Variants in CRIM1 observed in about 807,000 individuals in gnomAD.
The protein encoded by CRIM1 is cysteine-rich motor neuron 1 protein.
Under a neutral mutation model 116.4 loss-of-function variants are expected in CRIM1, and 32 were observed. The ratio of observed to expected loss-of-function variants is 0.27; its 90% CI spans 0.21 to 0.37. CRIM1 has a LOEUF of 0.37. Ranked by LOEUF, CRIM1 falls within the 10% of genes least tolerant of loss-of-function variation. The pLI, the probability that CRIM1 is intolerant of heterozygous loss-of-function variation, is 1.00. For synonymous variants in CRIM1, 590 were observed against 509.2 expected (o/e 1.16, Z -2.13); for missense variants, 1,331 against 1,354.8 (o/e 0.98, Z 0.28).
At position 36,385,882 on chromosome 2, in the gene CRIM1, A is replaced by G. The variant is rs538062704; in HGVS notation, c.332-10732A>G. The stretch of plus-strand genomic sequence containing the variant: ...TTATTCCAGTGTCTGGCACATAGAA[A>G]GTGCTCAGTGAGTGTTAGCTGTTAT... On this transcript the variant is annotated intron_variant, in intron 1 of 16. Coordinates refer to ENST00000280527, the MANE Select transcript of CRIM1 (RefSeq NM_016441.3). 3.9e-5 allele frequency among the ~76,000 whole-genome samples: 6 copies of G among 152,308 alleles called. No individual in the cohort carries two copies. In the South Asian group the frequency reaches 8.3e-4, roughly 21 times the overall value.
At position 36,441,394 on chromosome 2, in the gene CRIM1, C is replaced by T. The variant is rs763478794; in HGVS notation, c.642C>T (p.Pro214=). 9.9e-6 allele frequency: 16 copies of T among 1,614,092 alleles called. No homozygotes were observed. The African/African-American group carries it at 1.1e-4, about 11-fold the overall frequency. Residue 214 remains proline, a synonymous_variant, in exon 3 of 17, where the codon CCC becomes CCT. Coordinates refer to ENST00000280527, the MANE Select transcript of CRIM1 (RefSeq NM_016441.3). ...CPLPSRCVCN[P]AGCLRKVCQP... The stretch of plus-strand genomic sequence containing the variant: ...TACCCAGCCGCTGCGTGTGCAACCC[C>T]GCAGGCTGTCTGCGCAAAGTCTGCC...
chr2:36,507,563 A>G (rs78153368), intron 8 of CRIM1, among the ~76,000 whole-genome samples: 2,123 of 152,352 alleles, frequency 0.014, 45 homozygotes, highest in African/African-American at 0.048. Context: ...TAGATGGGCC[A>G]GAGCATAACA....
At chr2:36,467,366 A>G (rs1018765753) in intron 5 of CRIM1, among the ~76,000 whole-genome samples, 1 of 152,228 alleles carries the variant, frequency 6.6e-6, no homozygotes, top group African/African-American at 2.4e-5. Context: ...TTCTTTTGAT[A>G]TATACATTCA....
chr2:36,364,190 G>A (rs1347027888), intron 1 of CRIM1, among the ~76,000 whole-genome samples: 3 of 152,204 alleles, frequency 2.0e-5, no homozygotes, highest in African/African-American at 7.2e-5. Flanking sequence ...CTGGGGTGAT[G>A]CCTGTGATTC....
intron 1 of CRIM1, among the ~76,000 whole-genome samples, chr2:36,362,920 G>A (rs186513884): frequency 4.6e-5 from 7 of 152,182 alleles, no homozygotes; most frequent in African/African-American, 7.2e-5. Context: ...ACTTGGGGCC[G>A]GCCGTGGTGT....
intron 13 of CRIM1, 53 bp downstream of exon 13, chr2:36,522,366 G>T: frequency 7.4e-7 from 1 of 1,342,846 alleles, no homozygotes; most frequent in Non-Finnish European, 1.1e-6. Flanking sequence ...CACTAAATCT[G>T]TATTGACAGC....
chr2:36,538,462 C>T (rs150585486), intron 14 of CRIM1, among the ~76,000 whole-genome samples: 131 of 152,246 alleles, frequency 8.6e-4, no homozygotes, highest in African/African-American at 2.9e-3. Context: ...CATGTTTTCT[C>T]GCAGCATTAT....
intron 8 of CRIM1, among the ~76,000 whole-genome samples, chr2:36,505,766 C>G (rs1320589236): frequency 6.6e-6 from 1 of 150,476 alleles, no homozygotes; most frequent in Non-Finnish European, 1.5e-5. Flanking sequence ...TGATGATTCC[C>G]CATTTTTAAT....
At chr2:36,534,708 G>A (rs72868409) in intron 13 of CRIM1, among the ~76,000 whole-genome samples, 186 of 149,132 alleles carry the variant, frequency 1.2e-3, no homozygotes, top group African/African-American at 4.3e-3. Context: ...GGAAAAGGAA[G>A]ACAGGAAGAA....
chr2:36,442,833 G>C, intron 4 of CRIM1, 98 bp downstream of exon 4: 2 of 1,351,734 alleles, frequency 1.5e-6, no homozygotes, highest in Non-Finnish European at 2.1e-6. Flanking sequence ...GAGAAACCTA[G>C]TCCTTTCCTG....
chr2:36,550,836 T>C lies in CRIM1; in HGVS notation c.*2135T>C, dbSNP rs1181371716. On this transcript the variant is annotated 3_prime_UTR_variant, in exon 17 of 17. Coordinates refer to ENST00000280527, the MANE Select transcript of CRIM1 (RefSeq NM_016441.3). ...AAAAATTGTAGATGCTTGCTTTTTG[T>C]TTTTTCAATCATGGCCATATTATGA... 1 of 151,926 alleles carries C rather than the reference T, an allele frequency of 6.6e-6. No individual in the cohort carries two copies. The highest frequency in any genetic ancestry group is 6.6e-5 in the Admixed American group (1 of 15,234). 9.4% of individuals were successfully genotyped at this position (151,926 alleles called of 1,614,324 possible).
chr2:36,523,929 C>T (rs1484356700), intron 13 of CRIM1, among the ~76,000 whole-genome samples: 1 of 152,136 alleles, frequency 6.6e-6, no homozygotes, highest in African/African-American at 2.4e-5. Flanking sequence ...AATGCCTGTT[C>T]TTAGGAATTT....
At chr2:36,534,533 GAGGA>G (rs1232026116) in intron 13 of CRIM1, among the ~76,000 whole-genome samples, 2 of 132,710 alleles carry the variant, frequency 1.5e-5, no homozygotes, top group East Asian at 2.4e-4. Flanking sequence ...AAGGGAGGGA[GAGGA>G]AGGAAGGGAG....
intron 2 of CRIM1, among the ~76,000 whole-genome samples, chr2:36,436,661 C>G (rs1019843787): frequency 6.6e-6 from 1 of 152,084 alleles, no homozygotes. Context: ...GATATATGTT[C>G]TTTTCAAATA....
chr2:36,522,317 A>T lies in CRIM1; in HGVS notation c.2428+4A>T, dbSNP rs2125131138. The T allele has an allele frequency of 6.2e-7, 1 of 1,605,576 alleles. No individual in the cohort carries two copies. The highest frequency in any genetic ancestry group is 1.1e-5 in the South Asian group (1 of 90,834). Reference sequence around the variant, plus strand: ...CAGTGTTGTCCCTACTGCATAGGTAAGACCAAGGAAAAAAAAATCCCTCAT... The same window carrying T: ...CAGTGTTGTCCCTACTGCATAGGTATGACCAAGGAAAAAAAAATCCCTCAT... On this transcript the variant is annotated splice_donor_region_variant and intron_variant, in intron 13 of 16. Coordinates refer to ENST00000280527, the MANE Select transcript of CRIM1 (RefSeq NM_016441.3).
At chr2:36,548,411 TC>T (rs1185627835) in intron 16 of CRIM1, 113 bp from the exon 17 acceptor site, 5 of 695,340 alleles carry the variant, frequency 7.2e-6, no homozygotes, top group Non-Finnish European at 1.2e-5. Flanking sequence ...AGGCTATCAA[TC>T]AATGAATTGT....
intron 4 of CRIM1, among the ~76,000 whole-genome samples, chr2:36,459,694 G>A (rs1479481748): frequency 6.6e-6 from 1 of 152,150 alleles, no homozygotes; most frequent in East Asian, 1.9e-4. Context: ...TTCACCAGGG[G>A]CAAGGGAGAG....
intron 1 of CRIM1, among the ~76,000 whole-genome samples, chr2:36,395,517 C>A (rs558491202): frequency 2.0e-5 from 3 of 152,134 alleles, no homozygotes; most frequent in Non-Finnish European, 4.4e-5. Flanking sequence ...CAAGGATTCA[C>A]AGAGAGAAAT....
At chr2:36,430,812 G>C (rs1004099525) in intron 2 of CRIM1, among the ~76,000 whole-genome samples, 6 of 152,158 alleles carry the variant, frequency 3.9e-5, no homozygotes, top group Admixed American at 2.0e-4. Context: ...TAAACACTGG[G>C]AGATCTTTGT....
Sources: allele counts gnomAD v4.1 joint callset (sites outside exome capture counted in the v4.1 genomes callset), GRCh38; gene constraint gnomAD v4.1.1; transcripts MANE v1.5; gene names NCBI Gene and HGNC (gene_info 2026-07-23, HGNC 2026-07-21).